FCHSD2: variants seen among roughly 807,000 people sequenced by gnomAD.
The protein encoded by FCHSD2 is F-BAR and double SH3 domains protein 2.
Under a neutral mutation model 108.1 loss-of-function variants are expected in FCHSD2, and 38 were observed. The observed-to-expected ratio is 0.35, with a 90% confidence interval of 0.27 to 0.46. The LOEUF (loss-of-function observed/expected upper bound fraction) is 0.46. Among genes scored for constraint, FCHSD2 ranks in the 20% least tolerant of loss-of-function variants. FCHSD2 has a pLI of 1.00. For synonymous variants in FCHSD2, 279 were observed against 314.7 expected, an observed-to-expected ratio of 0.89 and a Z score of 1.20; for missense variants, 751 against 897.8, an observed-to-expected ratio of 0.84 and a Z score of 2.09.
At chr11:72,903,112 C>A (rs1187601500) in intron 9 of FCHSD2, among the ~76,000 whole-genome samples, 18 of 152,220 alleles carry the variant, frequency 1.2e-4, no homozygotes, top group Admixed American at 1.2e-3. Context: ...TAGAGTATTT[C>A]TCAGCACCTT....
At chr11:72,866,729 C>A (rs1565295826) in intron 13 of FCHSD2, among the ~76,000 whole-genome samples, 1 of 152,026 alleles carries the variant, frequency 6.6e-6, no homozygotes, top group Admixed American at 6.5e-5. Flanking sequence ...CACACACAAC[C>A]CTTTTTAAAT....
At chr11:73,042,299 T>C (rs1314279414) in intron 3 of FCHSD2, among the ~76,000 whole-genome samples, 1 of 152,204 alleles carries the variant, frequency 6.6e-6, no homozygotes, top group African/African-American at 2.4e-5. Context: ...CCCAGTAGCA[T>C]TTATTAAAGA....
intron 8 of FCHSD2, among the ~76,000 whole-genome samples, chr11:72,946,192 T>C (rs1000037748): frequency 1.3e-5 from 2 of 152,192 alleles, no homozygotes; most frequent in African/African-American, 4.8e-5. Flanking sequence ...GTGGCACATA[T>C]ACACCATGGA....
chr11:72,913,347 C>T (rs932597610), intron 9 of FCHSD2, among the ~76,000 whole-genome samples: 1 of 152,228 alleles, frequency 6.6e-6, no homozygotes, highest in Non-Finnish European at 1.5e-5. Flanking sequence ...TGACTCACTG[C>T]AAACTCTGCC....
chr11:72,846,558 G>A (rs1861149454), intron 14 of FCHSD2, among the ~76,000 whole-genome samples: 2 of 152,076 alleles, frequency 1.3e-5, no homozygotes, highest in Admixed American at 1.3e-4. Context: ...TTGTCCTTGT[G>A]AGCTTCCTAC....
intron 10 of FCHSD2, chr11:72,900,324 A>G: frequency 6.6e-7 from 1 of 1,519,666 alleles, no homozygotes; most frequent in Non-Finnish European, 8.9e-7. Flanking sequence ...GGCGGCTTTT[A>G]AACTCTGCCC....
At position 73,142,098 on chromosome 11, in the gene FCHSD2, T is replaced by C; in HGVS notation, c.-221A>G. The C allele has an allele frequency of 2.5e-6, 1 of 394,396 alleles. No homozygotes were observed. The highest frequency in any genetic ancestry group is 3.0e-5 in the South Asian group (1 of 32,936). The allele number at this position is 394,396 out of a possible 1,614,324, so 24.4% of individuals were successfully genotyped here. Reference sequence around the variant, plus strand: ...ACGAGGGAGGAGCACCGGGAAGGCTTGGGGCCCGGGCGGCCCGGGCGGCCC... The same window carrying C: ...ACGAGGGAGGAGCACCGGGAAGGCTCGGGGCCCGGGCGGCCCGGGCGGCCC... On this transcript the variant is annotated 5_prime_UTR_variant, in exon 1 of 20. Transcript: ENST00000409418.
At chr11:73,101,617 T>A in intron 2 of FCHSD2, among the ~76,000 whole-genome samples, 1 of 151,964 alleles carries the variant, frequency 6.6e-6, no homozygotes. Context: ...TTGTATTTTT[T>A]GTAGAGACAG....
At chr11:72,906,749 T>C (rs1170793144) in intron 9 of FCHSD2, among the ~76,000 whole-genome samples, 1 of 152,210 alleles carries the variant, frequency 6.6e-6, no homozygotes, top group African/African-American at 2.4e-5. Flanking sequence ...TGTGGTGTTA[T>C]TTCTGAGGCA....
At chr11:73,023,603 C>T (rs1452748394) in intron 3 of FCHSD2, among the ~76,000 whole-genome samples, 1 of 152,098 alleles carries the variant, frequency 6.6e-6, no homozygotes, top group African/African-American at 2.4e-5. Context: ...AATAGTATGG[C>T]CACTTTGAAA....
intron 5 of FCHSD2, among the ~76,000 whole-genome samples, chr11:72,992,411 A>G (rs1418617769): frequency 6.6e-6 from 1 of 152,174 alleles, no homozygotes; most frequent in African/African-American, 2.4e-5. Flanking sequence ...GGAAAAGACT[A>G]AAGTTCATAT....
intron 3 of FCHSD2, among the ~76,000 whole-genome samples, chr11:73,073,540 G>A (rs1344252409): frequency 2.6e-5 from 4 of 152,066 alleles, no homozygotes; most frequent in Non-Finnish European, 4.4e-5. Flanking sequence ...GCTGTCATAC[G>A]ATCAATCCCA....
intron 3 of FCHSD2, among the ~76,000 whole-genome samples, chr11:73,071,856 G>A (rs929262242): frequency 2.9e-4 from 44 of 152,124 alleles, no homozygotes; most frequent in African/African-American, 1.0e-3. Context: ...AAACATAAAT[G>A]AGTTAATCTA....
chr11:73,127,742 C>T (rs1860892495), intron 2 of FCHSD2, among the ~76,000 whole-genome samples: 1 of 151,868 alleles, frequency 6.6e-6, no homozygotes, highest in African/African-American at 2.4e-5. Flanking sequence ...TTTATATGGC[C>T]TTCCCTCCTT....
chr11:73,065,913 A>C (rs1859278996), intron 3 of FCHSD2, among the ~76,000 whole-genome samples: 1 of 152,206 alleles, frequency 6.6e-6, no homozygotes, highest in Non-Finnish European at 1.5e-5. Context: ...AATATCATGA[A>C]AATGGCCATA....
intron 8 of FCHSD2, among the ~76,000 whole-genome samples, chr11:72,980,119 G>A (rs1857184578): frequency 6.6e-6 from 1 of 152,184 alleles, no homozygotes; most frequent in Non-Finnish European, 1.5e-5. Flanking sequence ...TATTGAAGCT[G>A]TCTTCCAACG....
intron 3 of FCHSD2, among the ~76,000 whole-genome samples, chr11:73,077,463 C>A (rs1331444059): frequency 6.6e-6 from 1 of 152,102 alleles, no homozygotes; most frequent in African/African-American, 2.4e-5. Flanking sequence ...CTGGTGGGAA[C>A]AATCTCCTTG....
chr11:72,885,929 T>G (rs534336500), intron 12 of FCHSD2, among the ~76,000 whole-genome samples: 1 of 152,196 alleles, frequency 6.6e-6, no homozygotes, highest in Non-Finnish European at 1.5e-5. Context: ...GTGGGGTTAC[T>G]GGGGTTTCTC....
chr11:73,108,392 A>T (rs1043510778), intron 2 of FCHSD2, among the ~76,000 whole-genome samples: 6 of 152,176 alleles, frequency 3.9e-5, no homozygotes, highest in Non-Finnish European at 8.8e-5. Context: ...TTTGCTGTAC[A>T]TAAGCTTTTT....
Sources: gnomAD v4.1 joint callset for allele counts (sites outside exome capture counted in the v4.1 genomes callset) on GRCh38, gnomAD v4.1.1 for gene constraint, MANE v1.5 for transcripts, NCBI Gene and HGNC (gene_info 2026-07-23, HGNC 2026-07-21) for gene names.